The following MPP4 variants were observed in gnomAD, a reference collection of about 807,000 sequenced individuals.
MPP4 encodes the protein MAGUK p55 scaffold protein 4.
In MPP4, 91 loss-of-function variants were observed where a neutral mutation model predicts 98.3. The ratio of observed to expected loss-of-function variants is 0.93; its 90% CI spans 0.78 to 1.10. MPP4 has a LOEUF of 1.10. Among genes scored for constraint, MPP4 ranks in the 50% least tolerant of loss-of-function variants. The pLI is 0.00. For synonymous variants in MPP4, 261 were observed against 271.8 expected (o/e 0.96, Z 0.39); for missense variants, 744 against 792.9 (o/e 0.94, Z 0.74).
chr2:201,684,471 G>T (rs1688759225), intron 7 of MPP4, among the ~76,000 whole-genome samples: 2 of 152,184 alleles, frequency 1.3e-5, no homozygotes, highest in African/African-American at 4.8e-5. Context: ...CTATACAATG[G>T]CATGATAATA....
intron 2 of MPP4, 94 bp downstream of exon 2, chr2:201,693,782 A>G: frequency 6.9e-7 from 1 of 1,453,862 alleles, no homozygotes. Context: ...TAGGGATCAC[A>G]GTAAGTCTGT....
chr2:201,658,865 C>G (rs1687932199), intron 15 of MPP4, among the ~76,000 whole-genome samples: 1 of 152,168 alleles, frequency 6.6e-6, no homozygotes, highest in Non-Finnish European at 1.5e-5. Context: ...GATTCAGTAT[C>G]ATATAACTTT....
At chr2:201,653,917 G>A (rs184762734) in intron 18 of MPP4, among the ~76,000 whole-genome samples, 208 of 152,194 alleles carry the variant, frequency 1.4e-3, no homozygotes, top group African/African-American at 4.8e-3. Context: ...TTTGGAGCTG[G>A]TAGTAGTAAA....
At chr2:201,658,809 T>C (rs1435135433) in intron 15 of MPP4, among the ~76,000 whole-genome samples, 2 of 152,234 alleles carry the variant, frequency 1.3e-5, no homozygotes, top group East Asian at 1.9e-4. Flanking sequence ...TAAGTTTCCT[T>C]AGGATATGTT....
chr2:201,696,601 AG>A lies in MPP4; in HGVS notation c.-101+1985del, dbSNP rs369646671. ...AATGCCCGAATGACTGTGCTGAGCT[AG>A]GCCTACCCATTCAGCAGTTGGGGGC... On this transcript the variant is annotated intron_variant, in intron 1 of 21. Coordinates refer to ENST00000409474, the MANE Select transcript of MPP4 (RefSeq NM_033066.3). Among the ~76,000 whole-genome samples the A allele has an allele frequency of 2.0e-3, 305 of 152,300 alleles. 2 individuals carry two copies. The highest frequency in any genetic ancestry group is 7.1e-3 in the African/African-American group (297 of 41,558).
intron 10 of MPP4, among the ~76,000 whole-genome samples, chr2:201,676,221 C>A (rs539061700): frequency 6.6e-6 from 1 of 152,322 alleles, no homozygotes; most frequent in South Asian, 2.1e-4. Context: ...GATTCTAATT[C>A]ACAAGAGAGT....
Position 201,660,364 on chromosome 2 carries a change from T to C in MPP4, c.1073-18A>G, listed in dbSNP as rs1687990335. 6.2e-7 allele frequency: 1 copy of C among 1,613,242 alleles called. No homozygotes were observed. The highest frequency in any genetic ancestry group is 1.3e-5 in the African/African-American group (1 of 74,916). On this transcript the variant is annotated intron_variant, in intron 14 of 21. Transcript: ENST00000409474. ...AAGTTCCTCTGGATATTTGGGTAAG[T>C]GCAGAAACAGACATGAAAAAGTTAA...
intron 12 of MPP4, among the ~76,000 whole-genome samples, chr2:201,668,475 TTC>T (rs1688245865): frequency 6.6e-6 from 1 of 151,004 alleles, no homozygotes; most frequent in African/African-American, 2.5e-5. Context: ...TTCTCTTCTC[TTC>T]CTCTCTCTCT....
chr2:201,654,129 CCA>C (rs1687791360), intron 18 of MPP4, among the ~76,000 whole-genome samples: 1 of 151,988 alleles, frequency 6.6e-6, no homozygotes, highest in Admixed American at 6.6e-5. Context: ...GCATGCAGCA[CCA>C]CACCCAGCTA....
At chr2:201,659,002 T>A (rs1351735715) in intron 15 of MPP4, among the ~76,000 whole-genome samples, 3 of 152,086 alleles carry the variant, frequency 2.0e-5, no homozygotes, top group African/African-American at 7.2e-5. Flanking sequence ...TTCAAGTGAT[T>A]CTCCTGCCTC....
intron 10 of MPP4, chr2:201,680,165 A>T (rs1199792727): frequency 6.6e-6 from 1 of 152,178 alleles, no homozygotes; most frequent in Non-Finnish European, 1.5e-5. Context: ...GCATAAGGTG[A>T]GGGTGGTGGG....
chr2:201,692,829 T>A, intron 3 of MPP4, 79 bp downstream of exon 3: 1 of 1,546,050 alleles, frequency 6.5e-7, no homozygotes, highest in Non-Finnish European at 8.7e-7. Context: ...CCAGCCTGAA[T>A]GGACTGAAGC....
intron 9 of MPP4, 118 bp downstream of exon 9, chr2:201,681,376 AAC>A: frequency 1.2e-6 from 1 of 855,580 alleles, no homozygotes; most frequent in South Asian, 1.6e-5. Context: ...AAAAATATCC[AAC>A]ACAGTCTTGA....
chr2:201,648,774 A>G (rs1436410205), intron 20 of MPP4, among the ~76,000 whole-genome samples: 1 of 152,212 alleles, frequency 6.6e-6, no homozygotes, highest in Non-Finnish European at 1.5e-5. Flanking sequence ...CTAAGAAAAC[A>G]TGGCTGGGCG....
intron 21 of MPP4, 88 bp downstream of exon 21, chr2:201,647,603 G>C: frequency 6.9e-7 from 1 of 1,438,856 alleles, no homozygotes; most frequent in Non-Finnish European, 9.5e-7. Flanking sequence ...AGGACAATGA[G>C]ATCAGAGATC....
intron 7 of MPP4, among the ~76,000 whole-genome samples, chr2:201,684,406 G>A (rs767984819): frequency 3.9e-5 from 6 of 152,040 alleles, no homozygotes; most frequent in Non-Finnish European, 7.4e-5. Flanking sequence ...TGACTCAAAC[G>A]GTGTAACTCT....
In MPP4 at chr2:201,645,104, A is replaced by T; in HGVS notation, c.*106T>A. On this transcript the variant is annotated 3_prime_UTR_variant, in exon 22 of 22. Coordinates refer to ENST00000409474, the MANE Select transcript of MPP4 (RefSeq NM_033066.3). ...TTAATTAATAAATTGCTGCACTTTT[A>T]AAGTTGTACACATTAAAATGGGTCA... is the stretch of plus-strand genomic sequence containing the variant. 2 of 955,292 alleles carry T rather than the reference A, an allele frequency of 2.1e-6. No individual in the cohort carries two copies. Among genetic ancestry groups the T allele is most frequent in the Non-Finnish European group, 2.9e-6 (2 of 701,646 alleles). The allele number at this position is 955,292 out of a possible 1,614,324, so 59.2% of individuals were successfully genotyped here.
At chr2:201,659,896 AC>A (rs1478818020) in intron 15 of MPP4, among the ~76,000 whole-genome samples, 2 of 152,144 alleles carry the variant, frequency 1.3e-5, no homozygotes, top group Admixed American at 6.6e-5. Flanking sequence ...GACATATGCA[AC>A]CTTTTTTCTT....
Position 201,654,840 on chromosome 2 carries a change from G to T in MPP4, c.1378C>A (p.Pro460Thr). The change falls in exon 18 of 22, where the codon CCA becomes ACA. Residue 460 changes from proline to threonine, a missense_variant. Transcript: ENST00000409474. The part of the protein sequence containing the change: ...FNPSHFQSAV[P>T]HTTRTKKSYE... Reference sequence around the variant, plus strand: ...ATGAAAGCAGAACTAAACATACGTGGCACAGCACTTTGAAAATGGCTGGGA... The same window carrying T: ...ATGAAAGCAGAACTAAACATACGTGTCACAGCACTTTGAAAATGGCTGGGA... The T allele has an allele frequency of 1.3e-6, 2 of 1,599,210 alleles. No individual in the cohort carries two copies. Among genetic ancestry groups the T allele is most frequent in the South Asian group, 1.1e-5 (1 of 87,910 alleles).
Sources: allele counts gnomAD v4.1 joint callset (sites outside exome capture counted in the v4.1 genomes callset), GRCh38; gene constraint gnomAD v4.1.1; transcripts MANE v1.5; gene names NCBI Gene and HGNC (gene_info 2026-07-23, HGNC 2026-07-21).